ATP2A2: variants seen among roughly 807,000 people sequenced by gnomAD.
The protein encoded by ATP2A2 is ATPase sarcoplasmic/endoplasmic reticulum Ca2+ transporting 2, also known as sarcoplasmic/endoplasmic reticulum calcium ATPase 2.
In ATP2A2, 14 loss-of-function variants were observed where a neutral mutation model predicts 109.3. The observed-to-expected ratio is 0.13, with a 90% CI of 0.08 to 0.20. The LOEUF (loss-of-function observed/expected upper bound fraction) is 0.20. Among genes scored for constraint, ATP2A2 ranks in the 10% least tolerant of loss-of-function variants. The pLI, the probability that ATP2A2 is intolerant of heterozygous loss-of-function variation, is 1.00. For synonymous variants in ATP2A2, 506 were observed against 490.9 expected (o/e 1.03, Z -0.41); for missense variants, 657 against 1,321.6 (o/e 0.50, Z 7.80).
intron 11 of ATP2A2, among the ~76,000 whole-genome samples, chr12:110,336,003 C>G (rs1385955569): frequency 6.6e-6 from 1 of 152,214 alleles, no homozygotes; most frequent in Non-Finnish European, 1.5e-5. Context: ...GTCTGCACAG[C>G]CACATGGTCC....
At chr12:110,320,836 G>T (rs779385466) in intron 5 of ATP2A2, among the ~76,000 whole-genome samples, 1 of 152,158 alleles carries the variant, frequency 6.6e-6, no homozygotes, top group Admixed American at 6.5e-5. Context: ...TTAGGCTATA[G>T]CATTGTTTTT....
chr12:110,317,526 C>T (rs1212696143), intron 5 of ATP2A2, among the ~76,000 whole-genome samples: 3 of 151,930 alleles, frequency 2.0e-5, no homozygotes, highest in African/African-American at 7.3e-5. Flanking sequence ...TATAGGCGCC[C>T]GCCACCATGC....
Position 110,281,764 on chromosome 12 carries a change from G to A in ATP2A2, c.-26G>A. The A allele has an allele frequency of 6.9e-7, 1 of 1,459,590 alleles. No individual in the cohort carries two copies. The highest frequency in any genetic ancestry group is 1.3e-5 in the South Asian group (1 of 75,822). 90.4% of individuals were successfully genotyped at this position (1,459,590 alleles called of 1,614,324 possible). On this transcript the variant is annotated 5_prime_UTR_variant, in exon 1 of 20. Transcript: ENST00000539276. ...GGCGAGGAGGCCGCGGGGACGGGAGGCGAGGCCGGCCGGGCCCCCGAAGCC... is the reference window on the plus strand; with the variant it reads ...GGCGAGGAGGCCGCGGGGACGGGAGACGAGGCCGGCCGGGCCCCCGAAGCC...
At chr12:110,294,598 G>A (rs905442932) in intron 4 of ATP2A2, among the ~76,000 whole-genome samples, 3 of 152,010 alleles carry the variant, frequency 2.0e-5, no homozygotes, top group East Asian at 2.0e-4. Flanking sequence ...GCAGTGAGCC[G>A]AGATGATGCC....
chr12:110,350,017 T>G lies in ATP2A2; in HGVS notation c.*3547T>G. On this transcript the variant is annotated 3_prime_UTR_variant, in exon 20 of 20. Transcript: ENST00000539276. ...TCGCTGCTTTCACAGCTGCAACGATTGTGTCTGCCTCATGGGGTTTTCCTC... is the reference window on the plus strand; with the variant it reads ...TCGCTGCTTTCACAGCTGCAACGATGGTGTCTGCCTCATGGGGTTTTCCTC... 1.5e-6 allele frequency: 2 copies of G among 1,370,730 alleles called. No individual in the cohort carries two copies. Among genetic ancestry groups the G allele is most frequent in the South Asian group, 3.2e-5 (2 of 62,964 alleles). The allele number at this position is 1,370,730 out of a possible 1,614,324, so 84.9% of individuals were successfully genotyped here.
Position 110,346,816 on chromosome 12 carries a change from A to C in ATP2A2, c.*346A>C. On this transcript the variant is annotated 3_prime_UTR_variant, in exon 20 of 20. Transcript: ENST00000539276. ...TTGTCAGCAAATTAATTGGCAGCAG[A>C]TTTTAGGAAATGAATGTGTGTGGTT... 8.8e-7 allele frequency: 1 copy of C among 1,137,530 alleles called. No individual in the cohort carries two copies. The highest frequency in any genetic ancestry group is 1.1e-6 in the Non-Finnish European group (1 of 922,144). The allele number at this position is 1,137,530 out of a possible 1,614,324, so 70.5% of individuals were successfully genotyped here.
At chr12:110,334,337 C>A in intron 11 of ATP2A2, 194 bp downstream of exon 11, 1 of 739,056 alleles carries the variant, frequency 1.4e-6, no homozygotes, top group Non-Finnish European at 2.2e-6. Context: ...TAAAAGCAAT[C>A]AATAGCTAAT....
intron 5 of ATP2A2, among the ~76,000 whole-genome samples, chr12:110,303,402 TTTTGTTTG>T (rs201303666): frequency 9.9e-5 from 15 of 151,730 alleles, no homozygotes; most frequent in East Asian, 1.9e-4. Context: ...TTGCTTGCTT[TTTTGTTTG>T]TTTGTTTGTT....
At chr12:110,319,223 G>GAAAAAAAAAAAAAAAAAAAAAAAAAT (rs59623372) in intron 5 of ATP2A2, among the ~76,000 whole-genome samples, 1 of 63,454 alleles carries the variant, frequency 1.6e-5, no homozygotes, top group Non-Finnish European at 3.0e-5. Context: ...AATAAAAAAT[G>GAAAAAAAAAAAAAAAAAAAAAAAAAT]AAAAAAAAAA....
At chr12:110,322,664 T>C (rs1877365936) in intron 5 of ATP2A2, among the ~76,000 whole-genome samples, 1 of 152,248 alleles carries the variant, frequency 6.6e-6, no homozygotes, top group Non-Finnish European at 1.5e-5. Flanking sequence ...AGTAAGACTT[T>C]TACTTACTGC....
chr12:110,283,585 C>G (rs756718948), intron 3 of ATP2A2, among the ~76,000 whole-genome samples: 1 of 152,026 alleles, frequency 6.6e-6, no homozygotes, highest in African/African-American at 2.4e-5. Context: ...TTTTTTGTTG[C>G]ATTTTTTTTC....
chr12:110,311,696 C>T (rs1323781997), intron 5 of ATP2A2, among the ~76,000 whole-genome samples: 1 of 142,714 alleles, frequency 7.0e-6, no homozygotes, highest in Non-Finnish European at 1.5e-5. Context: ...AATCTCTGTA[C>T]CAAAGTCTTT....
At position 110,342,134 on chromosome 12, in the gene ATP2A2, C is replaced by A; in HGVS notation, c.2098-94C>A. On this transcript the variant is annotated intron_variant, in intron 14 of 19. Transcript: ENST00000539276. This position sits in a 1 kb window ranked among gnomAD's most constrained non-coding sequence, Gnocchi z 4.6. Reference sequence around the variant, plus strand: ...TTGCCAAGAGACCTACGGCTCTATTCATTTTCCTCCTGCTTCCCATTCAGT... The same window carrying A: ...TTGCCAAGAGACCTACGGCTCTATTAATTTTCCTCCTGCTTCCCATTCAGT... 7.1e-7 allele frequency: 1 copy of A among 1,405,236 alleles called. No individual in the cohort carries two copies. The allele number at this position is 1,405,236 out of a possible 1,614,324, so 87.0% of individuals were successfully genotyped here. A position where few individuals can be genotyped will look rare whatever the true frequency, so the allele number is the denominator to read the frequency against.
intron 5 of ATP2A2, 123 bp downstream of exon 5, chr12:110,296,860 C>G (rs1874015216): frequency 8.9e-7 from 1 of 1,126,048 alleles, no homozygotes; most frequent in African/African-American, 1.6e-5. Flanking sequence ...CATTTTATTG[C>G]CATTCATACA....
intron 11 of ATP2A2, among the ~76,000 whole-genome samples, chr12:110,338,544 G>A (rs1359421404): frequency 6.6e-6 from 1 of 152,090 alleles, no homozygotes; most frequent in Non-Finnish European, 1.5e-5. Context: ...TGGAATCTCT[G>A]CCCCCCTGGC....
chr12:110,331,729 G>A (rs1455872814), intron 8 of ATP2A2: 1 of 152,154 alleles, frequency 6.6e-6, no homozygotes, highest in Non-Finnish European at 1.5e-5. Flanking sequence ...TTCAGAGAAA[G>A]CACGAGAAAA....
At chr12:110,286,225 A>C (rs1002044580) in intron 3 of ATP2A2, among the ~76,000 whole-genome samples, 8 of 152,140 alleles carry the variant, frequency 5.3e-5, no homozygotes, top group Non-Finnish European at 7.4e-5. Context: ...GCCTGGCCTA[A>C]GTTAGTGCTT....
rs906466589 is a variant in ATP2A2, at chr12:110,347,835, T to C, written c.*1365T>C. On this transcript the variant is annotated 3_prime_UTR_variant, in exon 20 of 20. Transcript: ENST00000539276. ...GGATTTGGATGCTTTAGCCTAAAGGTGACTGCCACCAAGTGAGATAACTGT... is the reference window on the plus strand; with the variant it reads ...GGATTTGGATGCTTTAGCCTAAAGGCGACTGCCACCAAGTGAGATAACTGT... 9.8e-7 allele frequency: 1 copy of C among 1,024,960 alleles called. No homozygotes were observed. Among genetic ancestry groups the C allele is most frequent in the Admixed American group, 5.3e-5 (1 of 18,938 alleles). The allele number at this position is 1,024,960 out of a possible 1,614,324, so 63.5% of individuals were successfully genotyped here.
chr12:110,340,828 A>T lies in ATP2A2; in HGVS notation c.1931A>T (p.Asp644Val), dbSNP rs772401249. 6.2e-7 allele frequency: 1 copy of T among 1,614,226 alleles called. No homozygotes were observed. The highest frequency in any genetic ancestry group is 8.5e-7 in the Non-Finnish European group (1 of 1,180,050). ...ICRRIGIFGQ[D>V]EDVTSKAFTG... is the part of the protein sequence containing the mutation. ...CGCCGCATCGGCATCTTCGGGCAGG[A>T]TGAGGACGTGACGTCAAAAGCTTTC... is the stretch of plus-strand genomic sequence containing the variant. Residue 644 changes from aspartate to valine, a missense_variant, in exon 14 of 20, where the codon GAT (aspartate) becomes GTT (valine). Coordinates refer to ENST00000539276, the MANE Select transcript of ATP2A2 (RefSeq NM_170665.4). This position sits in a 1 kb window ranked among gnomAD's most constrained non-coding sequence, Gnocchi z 6.0.
Sources: allele counts gnomAD v4.1 joint callset (sites outside exome capture counted in the v4.1 genomes callset), GRCh38; gene constraint gnomAD v4.1.1; non-coding constraint Gnocchi (gnomAD v3.1); transcripts MANE v1.5; gene names NCBI Gene and HGNC (gene_info 2026-07-23, HGNC 2026-07-21).